The following KIFAP3 variants were observed in gnomAD, a reference collection of about 807,000 sequenced individuals.
KIFAP3 encodes the protein kinesin associated protein 3, also known as kinesin-associated protein 3.
KIFAP3 carries 68 observed loss-of-function variants against 106.5 expected under a neutral mutation model. The ratio of observed to expected loss-of-function variants is 0.64; its 90% CI spans 0.53 to 0.78. The LOEUF is 0.78. KIFAP3 is among the 30% of genes least tolerant of loss of function. The pLI is 0.00. For missense variants in KIFAP3, 780 were observed against 941.8 expected (o/e 0.83, Z 2.25); for synonymous variants, 320 against 311.5 (o/e 1.03, Z -0.29).
rs369821428 is a variant in KIFAP3 at position 169,948,426 on chromosome 1, T to TA, written c.2273+5584dup. Among the ~76,000 whole-genome samples, 896 of 151,770 alleles carry TA rather than the reference T, an allele frequency of 5.9e-3. 12 individuals are homozygous for TA. The highest frequency in any genetic ancestry group is 0.02 in the African/African-American group (820 of 41,474). ...ATAGAAAAACTATGATCATCTTTGG[T>TA]AAAAAAAAGTAATAACACACTAAAT... On this transcript the variant is annotated intron_variant, in intron 19 of 19. Coordinates refer to ENST00000361580, the MANE Select transcript of KIFAP3 (RefSeq NM_014970.4).
chr1:169,970,598 A>G lies in KIFAP3; in HGVS notation c.1983+1915T>C, dbSNP rs545838088. Among the ~76,000 whole-genome samples the G allele has an allele frequency of 3.6e-4, 55 of 152,162 alleles. 1 individual carries two copies. The highest frequency in any genetic ancestry group is 1.1e-3 in the African/African-American group (47 of 41,548). Reference sequence around the variant, plus strand: ...CTACAAATATTCCCATTCTGTCTATATATTTTTTGGATTTTTTATTATTAT... The same window carrying G: ...CTACAAATATTCCCATTCTGTCTATGTATTTTTTGGATTTTTTATTATTAT... On this transcript the variant is annotated intron_variant, in intron 17 of 19. Transcript: ENST00000361580.
At chr1:169,943,526 G>C (rs2101817209) in intron 19 of KIFAP3, among the ~76,000 whole-genome samples, 1 of 151,962 alleles carries the variant, frequency 6.6e-6, no homozygotes, top group Admixed American at 6.5e-5. Flanking sequence ...TTTTTTAAGG[G>C]GGAATAGTGA....
At chr1:170,019,933 C>T (rs1668721806) in intron 9 of KIFAP3, among the ~76,000 whole-genome samples, 1 of 152,182 alleles carries the variant, frequency 6.6e-6, no homozygotes, top group Non-Finnish European at 1.5e-5. Context: ...CTTAGAAAAT[C>T]TCCAAAATCT....
intron 1 of KIFAP3, among the ~76,000 whole-genome samples, chr1:170,062,202 A>T (rs1033781189): frequency 1.3e-4 from 20 of 149,802 alleles, no homozygotes; most frequent in African/African-American, 5.0e-4. Context: ...ATAAAACCAC[A>T]ATGAGATACC....
intron 10 of KIFAP3, among the ~76,000 whole-genome samples, chr1:170,002,237 A>G (rs562279247): frequency 2.0e-5 from 3 of 152,252 alleles, no homozygotes; most frequent in African/African-American, 4.8e-5. Flanking sequence ...CCCCAAACCC[A>G]TATTACCTAA....
chr1:170,030,285 T>C (rs1194192132), intron 8 of KIFAP3, among the ~76,000 whole-genome samples: 7 of 151,862 alleles, frequency 4.6e-5, no homozygotes, highest in African/African-American at 1.4e-4. Context: ...CACACTTCAA[T>C]AAACATAAAG....
intron 18 of KIFAP3, among the ~76,000 whole-genome samples, chr1:169,957,403 A>T (rs1558194957): frequency 6.6e-6 from 1 of 152,212 alleles, no homozygotes; most frequent in Admixed American, 6.5e-5. Flanking sequence ...AAGTAAGATG[A>T]TAAAGGCAGT....
intron 18 of KIFAP3, among the ~76,000 whole-genome samples, chr1:169,956,405 G>A (rs1665014029): frequency 6.6e-6 from 1 of 152,004 alleles, no homozygotes; most frequent in Admixed American, 6.6e-5. Context: ...AATGCCTATT[G>A]TCTTCAAAGG....
At chr1:170,000,510 G>A (rs1667610560) in intron 10 of KIFAP3, among the ~76,000 whole-genome samples, 1 of 152,084 alleles carries the variant, frequency 6.6e-6, no homozygotes, top group South Asian at 2.1e-4. Context: ...CAGTGAAAAT[G>A]CCACAGGTGA....
intron 19 of KIFAP3, among the ~76,000 whole-genome samples, chr1:169,940,131 CTTCT>C (rs1481536022): frequency 3.3e-5 from 5 of 152,146 alleles, no homozygotes; most frequent in African/African-American, 1.2e-4. Flanking sequence ...TTTGAAAAAA[CTTCT>C]TTCATTGTAA....
chr1:169,985,249 G>C lies in KIFAP3; in HGVS notation c.1285-559C>G, dbSNP rs181217074. Among the ~76,000 whole-genome samples the C allele has an allele frequency of 3.3e-5, 5 of 151,978 alleles. No individual in the cohort carries two copies. The East Asian group carries it at 9.6e-4, about 29-fold the overall frequency. On this transcript the variant is annotated intron_variant, in intron 11 of 19. Coordinates refer to ENST00000361580, the MANE Select transcript of KIFAP3 (RefSeq NM_014970.4). ...CAGGATAAAATTTGTGTCTCAAAAA[G>C]ATTTACCCAGTGTAGAAAATAGAAT...
In KIFAP3 at chr1:169,961,152, A is replaced by G. The variant is rs1571565190; in HGVS notation, c.2067T>C (p.Ser689=). Residue 689 remains serine, a synonymous_variant, in exon 18 of 20, where the codon AGT becomes AGC. Coordinates refer to ENST00000361580, the MANE Select transcript of KIFAP3 (RefSeq NM_014970.4). ...ACTGCTCACTCTCATCCATCTGACG[A>G]CTCTCTACCATCTCCAGCCACTGAG... ...HNSQWLEMVE[S]RQMDESEQYL... is the part of the protein sequence containing the mutation. The G allele has an allele frequency of 1.2e-6, 2 of 1,613,376 alleles. No homozygotes were observed. The highest frequency in any genetic ancestry group is 2.2e-5 in the East Asian group (1 of 44,852).
intron 15 of KIFAP3, among the ~76,000 whole-genome samples, chr1:169,981,387 T>C (rs545969149): frequency 2.6e-5 from 4 of 152,294 alleles, no homozygotes; most frequent in African/African-American, 9.6e-5. Context: ...ATTAGTCCCT[T>C]AGTAGCCATC....
chr1:170,015,515 G>C (rs2101998617), intron 10 of KIFAP3, among the ~76,000 whole-genome samples: 1 of 152,244 alleles, frequency 6.6e-6, no homozygotes, highest in Admixed American at 6.5e-5. Flanking sequence ...TGAATATATG[G>C]AGAAAGCTGT....
intron 9 of KIFAP3, chr1:170,024,165 A>G (rs960387948): frequency 3.9e-6 from 1 of 258,832 alleles, no homozygotes; most frequent in African/African-American, 2.2e-5. Flanking sequence ...AACTTTCTAT[A>G]TATTATGTTT....
chr1:170,041,911 A>C, intron 3 of KIFAP3: 1 of 1,320,444 alleles, frequency 7.6e-7, no homozygotes, highest in Non-Finnish European at 9.8e-7. Context: ...ATTTGGGGGA[A>C]GTACTCCTGG....
chr1:169,981,931 CTGTTTAGA>C, intron 15 of KIFAP3, 33 bp downstream of exon 15: 1 of 1,466,398 alleles, frequency 6.8e-7, no homozygotes, highest in Non-Finnish European at 9.4e-7. Context: ...AATCAATAAG[CTGTTTAGA>C]CATTAACATA....
intron 19 of KIFAP3, among the ~76,000 whole-genome samples, chr1:169,923,516 C>G (rs1266108652): frequency 1.3e-5 from 2 of 152,192 alleles, no homozygotes; most frequent in East Asian, 3.8e-4. Context: ...CCTTCTTCAT[C>G]TTTTGCTTAT....
chr1:170,051,013 G>C (rs974211011), intron 2 of KIFAP3, among the ~76,000 whole-genome samples: 1 of 151,750 alleles, frequency 6.6e-6, no homozygotes, highest in Non-Finnish European at 1.5e-5. Flanking sequence ...AATGTGAATG[G>C]GCTAAATGCC....
Sources: allele counts gnomAD v4.1 joint callset (sites outside exome capture counted in the v4.1 genomes callset), GRCh38; gene constraint gnomAD v4.1.1; transcripts MANE v1.5; gene names NCBI Gene and HGNC (gene_info 2026-07-23, HGNC 2026-07-21).